RGN: variants seen among roughly 807,000 people sequenced by gnomAD.
RGN encodes epididymis secretory protein Li 41.
A neutral mutation model predicts 20.6 loss-of-function variants in RGN; 19 were observed. The observed-to-expected ratio is 0.92, with a 90% confidence interval of 0.64 to 1.35. The LOEUF (loss-of-function observed/expected upper bound fraction) is 1.35. RGN is among the 40% of genes most tolerant of loss of function. The pLI, the probability that RGN is intolerant of heterozygous loss-of-function variation, is 0.00. For missense variants in RGN, 302 were observed against 232.7 expected, an observed-to-expected ratio of 1.30 and a Z score of -1.94; for synonymous variants, 85 against 87.2, an observed-to-expected ratio of 0.97 and a Z score of 0.14.
At position 47,089,937 on chromosome X, in the gene RGN, A is replaced by C; in HGVS notation, c.508A>C (p.Ser170Arg). Residue 170 changes from serine (S) to arginine (R), a missense_variant, in exon 5 of 8, where the codon AGC (serine) becomes CGC (arginine). Physicochemically the swap from Ser to Arg is moderately radical, Grantham distance 110. Coordinates refer to ENST00000397180, the MANE Select transcript of RGN (RefSeq NM_152869.4). Reference protein sequence around the residue: ...LDHKIFYYIDSLSYSVDAFDY... With the variant: ...LDHKIFYYIDRLSYSVDAFDY... ...CCACAAAATCTTCTATTACATTGACAGCCTGTCCTACTCCGTGGATGCCTT... is the reference window on the plus strand; with the variant it reads ...CCACAAAATCTTCTATTACATTGACCGCCTGTCCTACTCCGTGGATGCCTT... 2 of 1,209,468 alleles carry C rather than the reference A, an allele frequency of 1.7e-6. No individual in the cohort carries two copies. Among genetic ancestry groups the C allele is most frequent in the Middle Eastern group, 2.3e-4 (1 of 4,355 alleles).
In RGN at chrX:47,092,895, A is replaced by G; in HGVS notation, c.850-2A>G. On this transcript the variant is annotated splice_acceptor_variant, in intron 7 of 7. Coordinates refer to ENST00000397180, the MANE Select transcript of RGN (RefSeq NM_152869.4). LOFTEE classifies it high-confidence loss of function. Reference sequence around the variant, plus strand: ...GAGATTCCCTCTTTTCTTTTTCAACAGATAACTGGTCTGGGGGTCAAAGGA... The same window carrying G: ...GAGATTCCCTCTTTTCTTTTTCAACGGATAACTGGTCTGGGGGTCAAAGGA... 8.3e-7 allele frequency: 1 copy of G among 1,202,974 alleles called. No individual in the cohort carries two copies. Among genetic ancestry groups the G allele is most frequent in the Non-Finnish European group, 1.1e-6 (1 of 887,973 alleles).
intron 5 of RGN, 100 bp downstream of exon 5, chrX:47,090,091 C>A: frequency 3.7e-6 from 2 of 538,953 alleles, no homozygotes; most frequent in Non-Finnish European, 6.0e-6. Context: ...AAGAAGTCTT[C>A]ACTTAAATGG....
In RGN at chrX:47,078,658, C is replaced by T. The variant is rs1354541368; in HGVS notation, c.-687C>T. 1 of 111,857 alleles carries T rather than the reference C, an allele frequency of 8.9e-6. No individual in the cohort carries two copies. The highest frequency in any genetic ancestry group is 3.3e-5 in the African/African-American group (1 of 30,753). 9.2% of individuals were successfully genotyped at this position (111,857 alleles called of 1,213,427 possible). On this transcript the variant is annotated 5_prime_UTR_variant, in exon 1 of 8. Coordinates refer to ENST00000397180, the MANE Select transcript of RGN (RefSeq NM_152869.4). ...TGTCGCTGTCGCCGTCGCCGTCGCC[C>T]GAGGTCCCAGCGGCTCTACCAGATT...
intron 4 of RGN, among the ~76,000 whole-genome samples, chrX:47,089,205 G>C (rs1930760640): frequency 3.0e-5 from 1 of 33,770 alleles, no homozygotes; most frequent in African/African-American, 9.8e-5. Flanking sequence ...AGATGGCTGT[G>C]CCATGTATTT....
At chrX:47,082,918 C>T (rs1930409215) in intron 3 of RGN, among the ~76,000 whole-genome samples, 1 of 109,944 alleles carries the variant, frequency 9.1e-6, no homozygotes, top group Non-Finnish European at 1.9e-5. Context: ...CCTTGGGACC[C>T]TTGATGGCTC....
chrX:47,090,931 A>G (rs79830960), intron 5 of RGN, among the ~76,000 whole-genome samples: 91 of 29,525 alleles, frequency 3.1e-3, no homozygotes, highest in African/African-American at 7.5e-3. Flanking sequence ...AAAGAAAGAA[A>G]GAAAGAAAGA....
At chrX:47,090,973 AAAGAAAGAAAG>A (rs1569540784) in intron 5 of RGN, among the ~76,000 whole-genome samples, 2 of 107,645 alleles carry the variant, frequency 1.9e-5, no homozygotes. Flanking sequence ...AGAAAGAAAG[AAAGAAAGAAAG>A]ATGTAGTGCT....
rs1345626650 is a variant in RGN at position 47,093,119 on chromosome X, GT to G, written c.*176del. ...CATTTTTAACAAGGGGTGACAGGTG[GT>G]TTTGATAACACACTTATAAGGCTTT... On this transcript the variant is annotated 3_prime_UTR_variant, in exon 8 of 8. Coordinates refer to ENST00000397180, the MANE Select transcript of RGN (RefSeq NM_152869.4). 2.3e-6 allele frequency: 1 copy of G among 443,000 alleles called. No individual in the cohort carries two copies. The highest frequency in any genetic ancestry group is 2.5e-5 in the African/African-American group (1 of 40,397). 36.5% of individuals were successfully genotyped at this position (443,000 alleles called of 1,213,427 possible).
Position 47,084,620 on chromosome X carries a change from C to G in RGN, c.346+20C>G, listed in dbSNP as rs782246398. 8.8e-6 allele frequency: 10 copies of G among 1,130,014 alleles called. No homozygotes were observed. The highest frequency in any genetic ancestry group is 1.1e-5 in the Non-Finnish European group (9 of 838,842). 93.1% of individuals were successfully genotyped at this position (1,130,014 alleles called of 1,213,427 possible). A position where few individuals can be genotyped will look rare whatever the true frequency, so the allele number is the denominator to read the frequency against. ...TTGCTGGTAAGATTTCTCTTAACAC[C>G]TACTTATTACTGAGCCTTGGAGGAA... On this transcript the variant is annotated intron_variant, in intron 4 of 7. Coordinates refer to ENST00000397180, the MANE Select transcript of RGN (RefSeq NM_152869.4).
At chrX:47,087,429 A>C (rs1930644250) in intron 4 of RGN, 1 of 111,872 alleles carries the variant, frequency 8.9e-6, no homozygotes, top group Non-Finnish European at 1.9e-5. Context: ...CTGCAAGATA[A>C]AGATATGTGA....
chrX:47,092,349 A>T (rs1462491878), intron 7 of RGN, 134 bp downstream of exon 7: 1 of 525,249 alleles, frequency 1.9e-6, no homozygotes, highest in African/African-American at 2.4e-5. Flanking sequence ...ATCATACTAG[A>T]CTGAAAAACA....
chrX:47,079,063 G>C (rs1355815641), intron 1 of RGN, among the ~76,000 whole-genome samples: 1 of 102,601 alleles, frequency 9.7e-6, no homozygotes, highest in Non-Finnish European at 2.0e-5. Context: ...AGGTTCAAGC[G>C]ATTCTCCGGC....
chrX:47,079,914 C>T (rs1930220172), intron 1 of RGN, among the ~76,000 whole-genome samples: 2 of 111,390 alleles, frequency 1.8e-5, no homozygotes, highest in Non-Finnish European at 3.8e-5. Context: ...GACAGGTTCT[C>T]GCTCTGTTGC....
intron 4 of RGN, among the ~76,000 whole-genome samples, chrX:47,088,097 ACT>A (rs1277753014): frequency 2.9e-5 from 3 of 104,522 alleles, no homozygotes; most frequent in Non-Finnish European, 3.9e-5. Flanking sequence ...AGCACCTGAG[ACT>A]CTTTCTCAAG....
In RGN at chrX:47,090,032, G is replaced by A. The variant is rs201674719; in HGVS notation, c.562+41G>A. The A allele has an allele frequency of 1.4e-4, 135 of 993,553 alleles. No homozygotes were observed. In the Admixed American group the frequency reaches 3.4e-3, roughly 25 times the overall value. 81.9% of individuals were successfully genotyped at this position (993,553 alleles called of 1,213,427 possible). A position where few individuals can be genotyped will look rare whatever the true frequency, so the allele number is the denominator to read the frequency against. On this transcript the variant is annotated intron_variant, in intron 5 of 7. Coordinates refer to ENST00000397180, the MANE Select transcript of RGN (RefSeq NM_152869.4). ...TATTTGTCTCAGTGCTGCCACTATT[G>A]TTTTCATATGTTTGTGACTAGTAAG...
chrX:47,081,542 T>C (rs1488922109), intron 3 of RGN, among the ~76,000 whole-genome samples: 1 of 106,538 alleles, frequency 9.4e-6, no homozygotes, highest in Non-Finnish European at 1.9e-5. Context: ...GGTGTTTTTG[T>C]TTATTTTTTG....
chrX:47,091,760 G>A lies in RGN; in HGVS notation c.645G>A (p.Trp215Ter). ...GTATTGATGCTGAGGGGAAGCTCTG[G>A]GTGGCCTGTTACAATGGAGGAAGAG... Reference protein sequence around the residue: ...GMCIDAEGKLWVACYNGGRVI... With the variant: ...GMCIDAEGKL Residue 215 changes from tryptophan (W) to a stop codon, truncating the protein, a stop_gained, in exon 6 of 8, where the codon TGG becomes TGA. Transcript: ENST00000397180. LOFTEE classifies it high-confidence loss of function. 2 of 1,210,790 alleles carry A rather than the reference G, an allele frequency of 1.7e-6. No individual in the cohort carries two copies. The highest frequency in any genetic ancestry group is 2.2e-6 in the Non-Finnish European group (2 of 894,905).
intron 3 of RGN, among the ~76,000 whole-genome samples, chrX:47,081,527 G>T (rs989936027): frequency 9.5e-6 from 1 of 104,858 alleles, no homozygotes; most frequent in Non-Finnish European, 2.0e-5. Flanking sequence ...TTTTTTGGGG[G>T]GGGGGGTGTT....
At chrX:47,090,369 G>A (rs1431811319) in intron 5 of RGN, among the ~76,000 whole-genome samples, 1 of 111,317 alleles carries the variant, frequency 9.0e-6, no homozygotes, top group Non-Finnish European at 1.9e-5. Context: ...ACTTAATGGA[G>A]TATTGGCGCA....
Sources: gnomAD v4.1 joint callset for allele counts (sites outside exome capture counted in the v4.1 genomes callset) on GRCh38, gnomAD v4.1.1 for gene constraint, MANE v1.5 for transcripts, NCBI Gene and HGNC (gene_info 2026-07-23, HGNC 2026-07-21) for gene names.